Variants in OLFM3 observed in about 807,000 individuals in gnomAD.
OLFM3 encodes the protein olfactomedin 3, also known as noelin-3.
OLFM3 carries 20 observed loss-of-function variants against 48.6 expected under a neutral mutation model. The ratio of observed to expected loss-of-function variants is 0.41; its 90% CI spans 0.29 to 0.60. OLFM3 has a LOEUF of 0.60. Ranked by LOEUF, OLFM3 falls within the 20% of genes least tolerant of loss-of-function variation. The pLI, the probability that OLFM3 is intolerant of heterozygous loss-of-function variation, is 0.28. For missense variants in OLFM3, 437 were observed against 544.3 expected (o/e 0.80, Z 1.96); for synonymous variants, 222 against 198.1 (o/e 1.12, Z -1.01).
rs111710000 is a variant in OLFM3, at chr1:101,804,367, G to A, written c.1248C>T (p.Asn416=). ...CAAGCATGGATATGTGAAAGTATTG[G>A]TTATGGAAGGGAATGTCTGTGTACT... is the stretch of plus-strand genomic sequence containing the variant. ...TYEYTDIPFH[N]QYFHISMLDY... is the part of the protein sequence containing the mutation. Residue 416 remains asparagine (N), a synonymous_variant, in exon 6 of 6, where the codon AAC becomes AAT. Transcript: ENST00000370103. This position sits in a 1 kb window ranked among gnomAD's most constrained non-coding sequence, Gnocchi z 4.5. The A allele has an allele frequency of 0.014, 22,622 of 1,612,440 alleles. 222 individuals carry two copies. The highest frequency in any genetic ancestry group is 0.016 in the Non-Finnish European group (19,039 of 1,178,878).
At chr1:101,920,773 T>C (rs536410214) in intron 1 of OLFM3, among the ~76,000 whole-genome samples, 2 of 152,304 alleles carry the variant, frequency 1.3e-5, no homozygotes, top group African/African-American at 4.8e-5. Flanking sequence ...TAGTAAACAA[T>C]AGAGACCCAT....
At chr1:101,890,278 A>G (rs541009163) in intron 1 of OLFM3, among the ~76,000 whole-genome samples, 44 of 152,134 alleles carry the variant, frequency 2.9e-4, no homozygotes, top group Middle Eastern at 3.4e-3. Flanking sequence ...TGGATGTAGT[A>G]TAAAATGAAA....
At chr1:101,914,268 C>T (rs141006858) in intron 1 of OLFM3, among the ~76,000 whole-genome samples, 17 of 152,286 alleles carry the variant, frequency 1.1e-4, no homozygotes, top group African/African-American at 3.8e-4. Context: ...GTTCCCATCT[C>T]TTTGCTCCTA....
At chr1:101,833,800 C>A (rs764622209) in intron 2 of OLFM3, among the ~76,000 whole-genome samples, 4 of 151,794 alleles carry the variant, frequency 2.6e-5, no homozygotes, top group Admixed American at 6.6e-5. Flanking sequence ...ACATATAAAC[C>A]GATTTCTTGA....
intron 1 of OLFM3, among the ~76,000 whole-genome samples, chr1:101,966,350 T>TGCGC (rs1288046000): frequency 1.0e-5 from 1 of 99,850 alleles, no homozygotes; most frequent in Admixed American, 9.3e-5. Context: ...TGTGTGTGTG[T>TGCGC]GCGCTACAGA....
At chr1:101,988,031 T>G (rs1340893802) in intron 1 of OLFM3, among the ~76,000 whole-genome samples, 1 of 152,068 alleles carries the variant, frequency 6.6e-6, no homozygotes, top group Non-Finnish European at 1.5e-5. Context: ...CTTGGAATAA[T>G]GTAGTAGAAA....
chr1:101,875,936 A>T (rs1331546960), intron 1 of OLFM3, among the ~76,000 whole-genome samples: 1 of 152,078 alleles, frequency 6.6e-6, no homozygotes, highest in Non-Finnish European at 1.5e-5. Context: ...CAATTTGCAC[A>T]AAAAATGAGG....
chr1:101,844,148 C>A (rs1422130865), intron 1 of OLFM3, among the ~76,000 whole-genome samples: 3 of 152,178 alleles, frequency 2.0e-5, no homozygotes, highest in Admixed American at 6.5e-5. Context: ...CAGGAAGAAT[C>A]CCCTAAGCAA....
At chr1:101,902,131 GA>G (rs992951633) in intron 1 of OLFM3, among the ~76,000 whole-genome samples, 1 of 151,864 alleles carries the variant, frequency 6.6e-6, no homozygotes, top group African/African-American at 2.4e-5. Flanking sequence ...AAATAGCTAT[GA>G]AAAAAAGAGA....
At chr1:101,929,760 A>C (rs188563081) in intron 1 of OLFM3, among the ~76,000 whole-genome samples, 3 of 152,164 alleles carry the variant, frequency 2.0e-5, no homozygotes, top group South Asian at 2.1e-4. Flanking sequence ...AGAGAATAGA[A>C]TTTTTCCAAG....
At chr1:101,896,230 T>C (rs1270207875) in intron 1 of OLFM3, among the ~76,000 whole-genome samples, 1 of 152,006 alleles carries the variant, frequency 6.6e-6, no homozygotes, top group African/African-American at 2.4e-5. Context: ...TGTTTAATAA[T>C]ATGAAGCTGT....
At chr1:101,881,485 T>C (rs985326461) in intron 1 of OLFM3, among the ~76,000 whole-genome samples, 3 of 151,846 alleles carry the variant, frequency 2.0e-5, no homozygotes, top group African/African-American at 4.8e-5. Flanking sequence ...CTTTTCAGAA[T>C]GAGGGAGAAA....
At chr1:101,955,816 G>T (rs1660270826) in intron 1 of OLFM3, among the ~76,000 whole-genome samples, 1 of 151,706 alleles carries the variant, frequency 6.6e-6, no homozygotes, top group Non-Finnish European at 1.5e-5. Flanking sequence ...ACATCTAATT[G>T]CTTATTGCAC....
rs180961655 is a variant in OLFM3 at position 101,837,068 on chromosome 1, T to C, written c.70-43A>G. On this transcript the variant is annotated intron_variant, in intron 1 of 5. Transcript: ENST00000370103. ...AAACATAAAACACAGACTCCTGTTA[T>C]AGGATAAAAAGAGTGTTGGTTTGTA... The C allele has an allele frequency of 1.4e-3, 2,229 of 1,578,628 alleles. 21 individuals carry two copies. Among genetic ancestry groups the C allele is most frequent in the East Asian group, 1.6e-3 (71 of 44,394 alleles).
At chr1:101,924,222 T>C (rs1035125778) in intron 1 of OLFM3, among the ~76,000 whole-genome samples, 10 of 152,330 alleles carry the variant, frequency 6.6e-5, no homozygotes, top group African/African-American at 2.2e-4. Flanking sequence ...TTATAGTGAA[T>C]TATTTGCACA....
chr1:101,905,314 T>C (rs1658517262), intron 1 of OLFM3, among the ~76,000 whole-genome samples: 1 of 152,230 alleles, frequency 6.6e-6, no homozygotes. Flanking sequence ...ATTGACTCAA[T>C]GAAACTTCCT....
chr1:101,938,063 G>A (rs1659676394), intron 1 of OLFM3, among the ~76,000 whole-genome samples: 1 of 152,084 alleles, frequency 6.6e-6, no homozygotes, highest in Non-Finnish European at 1.5e-5. Context: ...GCTTTCTGTT[G>A]TGAGATATAG....
At chr1:101,936,062 A>C (rs1460811861) in intron 1 of OLFM3, among the ~76,000 whole-genome samples, 1 of 152,098 alleles carries the variant, frequency 6.6e-6, no homozygotes, top group Non-Finnish European at 1.5e-5. Flanking sequence ...GAAATGAAAT[A>C]AGATAAGGAG....
intron 1 of OLFM3, among the ~76,000 whole-genome samples, chr1:101,958,852 T>TATAC (rs1553183327): frequency 2.0e-5 from 3 of 149,880 alleles, no homozygotes; most frequent in Admixed American, 1.3e-4. Context: ...TATATATATA[T>TATAC]ATATATGATT....
Sources: gnomAD v4.1 joint callset for allele counts (sites outside exome capture counted in the v4.1 genomes callset) on GRCh38, gnomAD v4.1.1 for gene constraint, Gnocchi (gnomAD v3.1) non-coding constraint, MANE v1.5 for transcripts, NCBI Gene and HGNC (gene_info 2026-07-23, HGNC 2026-07-21) for gene names.